FMNL3: variants seen among roughly 807,000 people sequenced by gnomAD.
FMNL3 encodes formin-like protein 3.
A neutral mutation model predicts 119.6 loss-of-function variants in FMNL3; 57 were observed. The observed-to-expected ratio is 0.48, with a 90% confidence interval of 0.39 to 0.59. The LOEUF (loss-of-function observed/expected upper bound fraction) is 0.59. Ranked by LOEUF, FMNL3 falls within the 20% of genes least tolerant of loss-of-function variation. The probability of loss-of-function intolerance (pLI) is 0.00; values close to 1 mark genes in which losing one functional copy is unlikely to be tolerated. For missense variants in FMNL3, 1,053 were observed against 1,323.5 expected (o/e 0.80, Z 3.17); for synonymous variants, 491 against 507.3 (o/e 0.97, Z 0.43).
intron 2 of FMNL3, among the ~76,000 whole-genome samples, chr12:49,667,877 C>A (rs1378678868): frequency 6.6e-6 from 1 of 152,216 alleles, no homozygotes; most frequent in Non-Finnish European, 1.5e-5. Context: ...AGTCCTGTCT[C>A]ATTTCACAGA....
In FMNL3 at chr12:49,643,974, T is replaced by C. The variant is rs769038475; in HGVS notation, c.*1841A>G. On this transcript the variant is annotated 3_prime_UTR_variant, in exon 26 of 26. Transcript: ENST00000335154. ...TCCAACAGGCAGAGCTCCCTAACCG[T>C]TCCCCAGGCTTTGGAATCAAGAAGG... 1 of 1,614,162 alleles carries C rather than the reference T, an allele frequency of 6.2e-7. No individual in the cohort carries two copies. The highest frequency in any genetic ancestry group is 1.1e-5 in the South Asian group (1 of 91,082).
chr12:49,656,557 C>A, intron 8 of FMNL3, 60 bp from the exon 9 acceptor site: 1 of 1,463,628 alleles, frequency 6.8e-7, no homozygotes, highest in Non-Finnish European at 9.5e-7. Flanking sequence ...CCACACAGCT[C>A]ATTTCCCTGA....
intron 9 of FMNL3, 28 bp downstream of exon 9, chr12:49,656,368 AACACACAC>A (rs139157446): frequency 6.8e-7 from 1 of 1,480,142 alleles, no homozygotes; most frequent in Non-Finnish European, 9.3e-7. Flanking sequence ...CTCCCCCGCA[AACACACAC>A]ACACACACGC....
At position 49,647,093 on chromosome 12, in the gene FMNL3, T is replaced by A; in HGVS notation, c.2872-84A>T. 1.3e-6 allele frequency: 2 copies of A among 1,597,650 alleles called. No individual in the cohort carries two copies. Among genetic ancestry groups the A allele is most frequent in the Admixed American group, 1.7e-5 (1 of 59,318 alleles). On this transcript the variant is annotated intron_variant, in intron 24 of 25. Transcript: ENST00000335154. The surrounding 1 kb of genome is among the most constrained non-coding windows in gnomAD (Gnocchi z 4.9). ...CCTGCCCCAAGGTGCAGTCTGAGGA[T>A]GCCACTGCTTGTGCACTGCTAGGAA...
At position 49,678,454 on chromosome 12, in the gene FMNL3, CATTATTTTTATT is replaced by C. The variant is rs1197891402; in HGVS notation, c.127-9912_127-9901del. ...TACAGGCATGAGCCACCACACTCGG[CATTATTTTTATT>C]ATTATTTTTATTTTGAGACAGGGTC... is the stretch of plus-strand genomic sequence containing the variant. On this transcript the variant is annotated intron_variant, in intron 1 of 25. Transcript: ENST00000335154. Among the ~76,000 whole-genome samples the C allele has an allele frequency of 5.9e-5, 9 of 152,156 alleles. No individual in the cohort carries two copies. In the East Asian group the frequency reaches 1.7e-3, roughly 29 times the overall value.
intron 1 of FMNL3, among the ~76,000 whole-genome samples, chr12:49,702,807 T>G (rs1174232642): frequency 6.6e-6 from 1 of 152,130 alleles, no homozygotes; most frequent in Non-Finnish European, 1.5e-5. Flanking sequence ...CCAAGTTCTA[T>G]TCTAGCCTGA....
Position 49,641,893 on chromosome 12 carries a change from C to G in FMNL3, c.*3922G>C. 1 of 1,610,702 alleles carries G rather than the reference C, an allele frequency of 6.2e-7. No individual in the cohort carries two copies. The highest frequency in any genetic ancestry group is 8.5e-7 in the Non-Finnish European group (1 of 1,178,488). The stretch of plus-strand genomic sequence containing the variant: ...GCACGTGGTGCCCCTGCTTCATGCA[C>G]TGCTGTACCCACAGGACCGGGGCTT... On this transcript the variant is annotated 3_prime_UTR_variant, in exon 26 of 26. Coordinates refer to ENST00000335154, the MANE Select transcript of FMNL3 (RefSeq NM_175736.5).
At position 49,661,650 on chromosome 12, in the gene FMNL3, G is replaced by A. The variant is rs1015900563; in HGVS notation, c.452+316C>T. 3.7e-5 allele frequency: 11 copies of A among 298,332 alleles called. No individual in the cohort carries two copies. The Admixed American group carries it at 4.8e-4, about 13-fold the overall frequency. 18.5% of individuals were successfully genotyped at this position (298,332 alleles called of 1,614,324 possible). A position where few individuals can be genotyped will look rare whatever the true frequency, so the allele number is the denominator to read the frequency against. ...ACCAAGGCATCTCTACCAGAAGCCA[G>A]GACATTTCCCTGGATTGCTCACAGC... On this transcript the variant is annotated intron_variant, in intron 5 of 25. Transcript: ENST00000335154.
intron 1 of FMNL3, among the ~76,000 whole-genome samples, chr12:49,705,571 C>T (rs895079801): frequency 6.6e-6 from 1 of 152,174 alleles, no homozygotes. Flanking sequence ...GAGTGCAGAT[C>T]CCCTCCCACT....
At chr12:49,669,083 C>A (rs1189835361) in intron 1 of FMNL3, among the ~76,000 whole-genome samples, 1 of 152,204 alleles carries the variant, frequency 6.6e-6, no homozygotes, top group African/African-American at 2.4e-5. Context: ...GAGCCACCCA[C>A]AACCTATGTA....
At chr12:49,661,747 A>T (rs1565877177) in intron 5 of FMNL3, 2 of 565,300 alleles carry the variant, frequency 3.5e-6, no homozygotes, top group Non-Finnish European at 6.4e-6. Context: ...TCCAAAATGC[A>T]TCTTATCTTC....
intron 1 of FMNL3, among the ~76,000 whole-genome samples, chr12:49,695,921 A>G (rs182109142): frequency 6.6e-6 from 1 of 152,160 alleles, no homozygotes; most frequent in East Asian, 1.9e-4. Flanking sequence ...CTCACTACCC[A>G]GATATTCCCC....
chr12:49,653,827 T>C lies in FMNL3; in HGVS notation c.1119A>G (p.Ala373=), dbSNP rs1943482747. ...ESEKLQVQIQ[A]YLDNVFDVGG... Reference sequence around the variant, plus strand: ...CGACATCAAACACGTTGTCCAGATATGCCTGAATCTGCACCTGCAGCTTCT... The same window carrying C: ...CGACATCAAACACGTTGTCCAGATACGCCTGAATCTGCACCTGCAGCTTCT... The change falls in exon 12 of 26, where the codon GCA becomes GCG. Residue 373 remains alanine (A), a synonymous_variant. Transcript: ENST00000335154. 6.2e-6 allele frequency: 10 copies of C among 1,614,116 alleles called. No individual in the cohort carries two copies. The highest frequency in any genetic ancestry group is 1.7e-5 in the Admixed American group (1 of 60,010).
At chr12:49,669,056 TCCC>T (rs386762897) in intron 1 of FMNL3, among the ~76,000 whole-genome samples, 26,780 of 152,086 alleles carry the variant, frequency 0.18, 3,421 homozygotes, top group African/African-American at 0.37. Flanking sequence ...CAACATCCAT[TCCC>T]ATGGGCAAAT....
At chr12:49,668,194 C>T (rs1943943219) in intron 2 of FMNL3, among the ~76,000 whole-genome samples, 1 of 137,394 alleles carries the variant, frequency 7.3e-6, no homozygotes, top group South Asian at 2.3e-4. Context: ...ACCTGCACAG[C>T]CAATCCTATA....
chr12:49,637,338 T>C lies in FMNL3; in HGVS notation c.*8477A>G. On this transcript the variant is annotated 3_prime_UTR_variant, in exon 26 of 26. Transcript: ENST00000335154. ...CCTTCCATCTGCATCTCTTCATCTC[T>C]GCCTCTCTTGCCTGCATTTCCTCAA... 1 of 640,700 alleles carries C rather than the reference T, an allele frequency of 1.6e-6. No homozygotes were observed. Among genetic ancestry groups the C allele is most frequent in the South Asian group, 1.9e-5 (1 of 54,050 alleles). The allele number at this position is 640,700 out of a possible 1,614,324, so 39.7% of individuals were successfully genotyped here. A position where few individuals can be genotyped will look rare whatever the true frequency, so the allele number is the denominator to read the frequency against.
chr12:49,651,996 C>T lies in FMNL3; in HGVS notation c.1540G>A (p.Glu514Lys), dbSNP rs1387862254. The T allele has an allele frequency of 1.2e-6, 2 of 1,606,390 alleles. No individual in the cohort carries two copies. The highest frequency in any genetic ancestry group is 1.3e-5 in the African/African-American group (1 of 74,810). Residue 514 changes from glutamate to lysine, a missense_variant, in exon 14 of 26, where the codon GAG becomes AAG. Glu to Lys is a moderately conservative substitution (Grantham distance 56, BLOSUM62 1). This residue lies in a region of FMNL3 where 445 missense variants were observed against 628.4 expected (regional missense o/e 0.71). Transcript: ENST00000335154. ...GGTGGTGGAGGAAGAGGCAGGACCTCCTCAGGGGGTGGGGCTGGAGCCAGA... is the reference window on the plus strand; with the variant it reads ...GGTGGTGGAGGAAGAGGCAGGACCTTCTCAGGGGGTGGGGCTGGAGCCAGA... ...DLLAPAPPPEEVLPLPPPPAP... is the reference protein window; with the variant it reads ...DLLAPAPPPEKVLPLPPPPAP...
rs375325470 is a variant in FMNL3 at position 49,637,200 on chromosome 12, G to A, written c.*8615C>T. 2.2e-3 allele frequency: 1,244 copies of A among 575,074 alleles called. 13 individuals carry two copies. The highest frequency in any genetic ancestry group is 0.012 in the South Asian group (570 of 46,856). 35.6% of individuals were successfully genotyped at this position (575,074 alleles called of 1,614,324 possible). ...GTGGCAGTGGTGGTGGTAGTGCTAG[G>A]GGTTACTGCAGGCAGGTTTCTGTTT... On this transcript the variant is annotated 3_prime_UTR_variant, in exon 26 of 26. Transcript: ENST00000335154.
chr12:49,653,737 C>G lies in FMNL3; in HGVS notation c.1209G>C (p.Glu403Asp). ...GAAGACCACCTACATGGGACACATGCTCCTCCAACTCCTCCACCTTCTCCA... is the reference window on the plus strand; with the variant it reads ...GAAGACCACCTACATGGGACACATGGTCCTCCAACTCCTCCACCTTCTCCA... ...VALEKVEELE[E>D]HVSHLTEKLL... is the part of the protein sequence containing the mutation. The change falls in exon 12 of 26, where the codon GAG becomes GAC. Residue 403 changes from glutamate to aspartate, a missense_variant. Transcript: ENST00000335154. The G allele has an allele frequency of 6.2e-7, 1 of 1,614,168 alleles. No individual in the cohort carries two copies. The highest frequency in any genetic ancestry group is 8.5e-7 in the Non-Finnish European group (1 of 1,180,008).
Sources: allele counts gnomAD v4.1 joint callset (sites outside exome capture counted in the v4.1 genomes callset), GRCh38; gene constraint gnomAD v4.1.1; regional missense constraint gnomAD v4.1.1; non-coding constraint Gnocchi (gnomAD v3.1); transcripts MANE v1.5; gene names NCBI Gene and HGNC (gene_info 2026-07-23, HGNC 2026-07-21).